MAML2: variants seen among roughly 807,000 people sequenced by gnomAD.
MAML2 encodes mastermind-like protein 2.
Under a neutral mutation model 96.1 loss-of-function variants are expected in MAML2, and 22 were observed. The observed-to-expected ratio is 0.23, with a 90% CI of 0.16 to 0.33. The LOEUF is 0.33. Ranked by LOEUF, MAML2 falls within the 10% of genes least tolerant of loss-of-function variation. MAML2 has a pLI of 1.00. For missense variants in MAML2, 1,367 were observed against 1,392.4 expected, an observed-to-expected ratio of 0.98 and a Z score of 0.29; for synonymous variants, 561 against 521.3, an observed-to-expected ratio of 1.08 and a Z score of -1.04.
At chr11:96,146,847 T>C (rs1335866772) in intron 1 of MAML2, among the ~76,000 whole-genome samples, 2 of 152,198 alleles carry the variant, frequency 1.3e-5, no homozygotes, top group Admixed American at 6.5e-5. Flanking sequence ...TGAGATTCTT[T>C]AAAAGTGAAA....
At chr11:96,271,687 G>A (rs1245003121) in intron 1 of MAML2, among the ~76,000 whole-genome samples, 1 of 151,928 alleles carries the variant, frequency 6.6e-6, no homozygotes, top group African/African-American at 2.4e-5. Context: ...AGTTCCCTGA[G>A]GCCTCCTCAG....
intron 2 of MAML2, among the ~76,000 whole-genome samples, chr11:96,065,882 A>G (rs965376410): frequency 2.6e-4 from 39 of 152,116 alleles, no homozygotes; most frequent in African/African-American, 8.9e-4. Flanking sequence ...TGCTGCTGGG[A>G]TAGGGCAGGC....
chr11:96,339,548 G>A lies in MAML2; in HGVS notation c.513+1835C>T, dbSNP rs549918222. 2.6e-5 allele frequency among the ~76,000 whole-genome samples: 4 copies of A among 152,260 alleles called. No homozygotes were observed. In the East Asian group the frequency reaches 7.7e-4, roughly 29 times the overall value. On this transcript the variant is annotated intron_variant, in intron 1 of 4. Coordinates refer to ENST00000524717, the MANE Select transcript of MAML2 (RefSeq NM_032427.4). ...CTGTGGCTCTTCACGGCCCCGCTCC[G>A]GCCTTGACACCCCGGGCAGAGATCA...
At chr11:96,010,785 C>T (rs982949574) in intron 2 of MAML2, among the ~76,000 whole-genome samples, 7 of 152,122 alleles carry the variant, frequency 4.6e-5, no homozygotes, top group Non-Finnish European at 1.0e-4. Flanking sequence ...GGATAGTAAG[C>T]ATAATCTGAG....
At chr11:96,211,831 A>G (rs1381942397) in intron 1 of MAML2, among the ~76,000 whole-genome samples, 1 of 152,216 alleles carries the variant, frequency 6.6e-6, no homozygotes, top group Non-Finnish European at 1.5e-5. Context: ...AAGATCAACA[A>G]AGATAAAATT....
intron 1 of MAML2, among the ~76,000 whole-genome samples, chr11:96,305,557 G>A (rs145974236): frequency 1.8e-4 from 28 of 152,248 alleles, no homozygotes; most frequent in Admixed American, 6.5e-4. Context: ...GAGACAGGAT[G>A]TATTCTATAT....
chr11:96,318,160 T>C (rs1279046869), intron 1 of MAML2, among the ~76,000 whole-genome samples: 1 of 152,188 alleles, frequency 6.6e-6, no homozygotes, highest in Non-Finnish European at 1.5e-5. Flanking sequence ...CAGATAAAAC[T>C]GAGCAGTGTC....
At chr11:96,080,003 G>A (rs1565207778) in intron 2 of MAML2, among the ~76,000 whole-genome samples, 2 of 152,188 alleles carry the variant, frequency 1.3e-5, no homozygotes, top group Non-Finnish European at 2.9e-5. Flanking sequence ...ATGACAGCCA[G>A]AGATGTAAGG....
intron 2 of MAML2, among the ~76,000 whole-genome samples, chr11:96,070,637 C>T (rs1023556204): frequency 3.3e-5 from 5 of 152,256 alleles, no homozygotes; most frequent in African/African-American, 9.6e-5. Context: ...TGCCAGACCC[C>T]GTGCTCGTTC....
At chr11:96,313,918 G>T (rs573791681) in intron 1 of MAML2, among the ~76,000 whole-genome samples, 3 of 152,300 alleles carry the variant, frequency 2.0e-5, no homozygotes, top group African/African-American at 4.8e-5. Flanking sequence ...CACTCCAGGT[G>T]GTTCTGATGC....
At chr11:96,006,904 C>T (rs1480536797) in intron 2 of MAML2, among the ~76,000 whole-genome samples, 1 of 151,500 alleles carries the variant, frequency 6.6e-6, no homozygotes, top group African/African-American at 2.4e-5. Flanking sequence ...CACACACACA[C>T]ACACACACAC....
Position 95,979,832 on chromosome 11 carries a change from C to T in MAML2, c.2587G>A (p.Ala863Thr). Residue 863 changes from alanine (A) to threonine (T), a missense_variant, in exon 5 of 5, where the codon GCA becomes ACA. Coordinates refer to ENST00000524717, the MANE Select transcript of MAML2 (RefSeq NM_032427.4). ...HGTRMPSLSTAVQNMGMYGNL... is the reference protein window; with the variant it reads ...HGTRMPSLSTTVQNMGMYGNL... ...CCATACATCCCCATATTCTGAACTG[C>T]TGTAGATAATGATGGCATTCTTGTC... The T allele has an allele frequency of 6.2e-7, 1 of 1,613,892 alleles. No homozygotes were observed. Among genetic ancestry groups the T allele is most frequent in the Middle Eastern group, 1.6e-4 (1 of 6,062 alleles).
chr11:96,092,850 G>A lies in MAML2; in HGVS notation c.1181C>T (p.Ala394Val). 6.2e-7 allele frequency: 1 copy of A among 1,608,058 alleles called. No homozygotes were observed. Among genetic ancestry groups the A allele is most frequent in the Non-Finnish European group, 8.5e-7 (1 of 1,176,564 alleles). ...AGACGAAGTGGAGAGGGCAGAGTTG[G>A]CCATGGAGAATGCGGGGCCAGCTGA... ...PPSAGPAFSM[A>V]NSALSTSSPI... The change falls in exon 2 of 5, where the codon GCC becomes GTC. Residue 394 changes from alanine (A) to valine (V), a missense_variant. Physicochemically the swap from Ala to Val is moderately conservative, Grantham distance 64. Coordinates refer to ENST00000524717, the MANE Select transcript of MAML2 (RefSeq NM_032427.4). The surrounding 1 kb of genome is among the most constrained non-coding windows in gnomAD (Gnocchi z 4.1).
rs199713911 is a variant in MAML2 at position 95,979,556 on chromosome 11, C to A, written c.2863G>T (p.Val955Leu). The A allele has an allele frequency of 2.5e-6, 4 of 1,613,604 alleles. No homozygotes were observed. Among genetic ancestry groups the A allele is most frequent in the Non-Finnish European group, 1.7e-6 (2 of 1,179,864 alleles). The change falls in exon 5 of 5, where the codon GTA becomes TTA. Residue 955 changes from valine (V) to leucine (L), a missense_variant. Transcript: ENST00000524717. ...GCAGTTGTGTTGGATGTGATCATTACGTTTGATGTTCTCTGTGGTGGCATG... is the reference window on the plus strand; with the variant it reads ...GCAGTTGTGTTGGATGTGATCATTAAGTTTGATGTTCTCTGTGGTGGCATG... ...ASMPPQRTSN[V>L]MITSNTTAPN... is the part of the protein sequence containing the mutation.
intron 4 of MAML2, among the ~76,000 whole-genome samples, chr11:95,980,849 G>A (rs1857725549): frequency 1.3e-5 from 2 of 152,210 alleles, no homozygotes; most frequent in Admixed American, 1.3e-4. Flanking sequence ...GATATTGACA[G>A]AGACCCAGGA....
At chr11:96,123,401 C>A (rs1035196249) in intron 1 of MAML2, among the ~76,000 whole-genome samples, 5 of 152,078 alleles carry the variant, frequency 3.3e-5, no homozygotes, top group African/African-American at 1.2e-4. Flanking sequence ...GCAACTCATC[C>A]AGAGACTTGC....
In MAML2 at chr11:96,282,258, AT is replaced by A. The variant is rs781523803; in HGVS notation, c.513+59124del. ...AGCAAGACTCCATCTCAAAAAAAAA[AT>A]AATAATAATAATAATAATAATGACT... On this transcript the variant is annotated intron_variant, in intron 1 of 4. Coordinates refer to ENST00000524717, the MANE Select transcript of MAML2 (RefSeq NM_032427.4). 9.4e-3 allele frequency among the ~76,000 whole-genome samples: 1,185 copies of A among 126,178 alleles called. 16 individuals are homozygous for A. Among genetic ancestry groups the A allele is most frequent in the African/African-American group, 0.021 (711 of 34,416 alleles). 82.8% of individuals were successfully genotyped at this position (126,178 alleles called of 152,430 possible).
At chr11:96,121,887 C>T (rs1273160900) in intron 1 of MAML2, among the ~76,000 whole-genome samples, 2 of 139,684 alleles carry the variant, frequency 1.4e-5, no homozygotes, top group South Asian at 2.4e-4. Flanking sequence ...CCCGGGTTCA[C>T]GCGATTCTGC....
chr11:96,238,326 G>C (rs564836055), intron 1 of MAML2, among the ~76,000 whole-genome samples: 11 of 152,170 alleles, frequency 7.2e-5, no homozygotes, highest in Admixed American at 3.3e-4. Flanking sequence ...ACTGAGCCAA[G>C]GTGTATCTGT....
Sources: allele counts gnomAD v4.1 joint callset (sites outside exome capture counted in the v4.1 genomes callset), GRCh38; gene constraint gnomAD v4.1.1; non-coding constraint Gnocchi (gnomAD v3.1); transcripts MANE v1.5; gene names NCBI Gene and HGNC (gene_info 2026-07-23, HGNC 2026-07-21).